MTNAP1: variants seen among roughly 807,000 people sequenced by gnomAD.
The protein encoded by MTNAP1 is mitochondrial nucleoid-associated protein 1.
chr17:73,237,907 A>T, the MTNAP1 span, among the ~76,000 whole-genome samples: 4 of 152,186 alleles, frequency 2.6e-5, no homozygotes, highest in African/African-American at 4.8e-5. Context: ...GAAACGGAGG[A>T]TGTGGCCAAA....
the MTNAP1 span, among the ~76,000 whole-genome samples, chr17:73,243,998 A>C: frequency 6.6e-6 from 1 of 152,232 alleles, no homozygotes; most frequent in Admixed American, 6.5e-5. Context: ...TACAGCTGTC[A>C]CTTACCAATG....
chr17:73,244,557 C>T, the MTNAP1 span: 2 of 40,452 alleles, frequency 4.9e-5, no homozygotes, highest in East Asian at 1.3e-3. Context: ...GAAACTGCAT[C>T]TCAAAAAAAA....
At chr17:73,236,852 G>A in the MTNAP1 span, 6 of 1,613,936 alleles carry the variant, frequency 3.7e-6, no homozygotes, top group East Asian at 6.7e-5. Context: ...AAGACTCTTC[G>A]CAGCTGCATG....
the MTNAP1 span, chr17:73,235,997 CTT>C: frequency 6.2e-7 from 1 of 1,614,168 alleles, no homozygotes; most frequent in Non-Finnish European, 8.5e-7. Flanking sequence ...GCTGGAGCGT[CTT>C]TACTGGTTGG....
chr17:73,234,429 C>T, the MTNAP1 span, among the ~76,000 whole-genome samples: 2 of 146,286 alleles, frequency 1.4e-5, no homozygotes, highest in East Asian at 2.0e-4. Flanking sequence ...TGGTGTCTCA[C>T]GCCTGTAATC....
At chr17:73,247,461 T>C in the MTNAP1 span, 2 of 962,464 alleles carry the variant, frequency 2.1e-6, no homozygotes. Flanking sequence ...GGATAGCTTT[T>C]CAGCCCTCAA....
the MTNAP1 span, among the ~76,000 whole-genome samples, chr17:73,237,306 C>T: frequency 2.0e-5 from 3 of 152,046 alleles, no homozygotes; most frequent in African/African-American, 4.8e-5. Flanking sequence ...GGTGTGGTGG[C>T]GCACCTGTAG....
At chr17:73,232,874 G>A in the MTNAP1 span, 2 of 152,574 alleles carry the variant, frequency 1.3e-5, no homozygotes, top group East Asian at 3.9e-4. Context: ...GAAATCCTCG[G>A]TGGGGCTGCG....
At chr17:73,245,174 A>T in the MTNAP1 span, 2 of 1,613,744 alleles carry the variant, frequency 1.2e-6, no homozygotes, top group Non-Finnish European at 1.7e-6. Flanking sequence ...AAAGAGCTGC[A>T]GCGGTGGCGT....
At chr17:73,238,881 AC>A in the MTNAP1 span, among the ~76,000 whole-genome samples, 11 of 152,072 alleles carry the variant, frequency 7.2e-5, no homozygotes, top group Non-Finnish European at 1.6e-4. Context: ...TAGAAAATAC[AC>A]CATAACTAAA....
At chr17:73,248,696 G>A in the MTNAP1 span, 23 of 739,018 alleles carry the variant, frequency 3.1e-5, no homozygotes, top group Middle Eastern at 6.5e-4. Flanking sequence ...GAATATTCAC[G>A]GACATGCCTG....
At chr17:73,236,701 C>A in the MTNAP1 span, 1 of 1,614,152 alleles carries the variant, frequency 6.2e-7, no homozygotes, top group Non-Finnish European at 8.5e-7. Context: ...AATGGAGAGT[C>A]CCGAGGGACA....
chr17:73,248,401 G>C, the MTNAP1 span: 5 of 1,140,514 alleles, frequency 4.4e-6, no homozygotes, highest in Admixed American at 1.0e-4. Context: ...TATAAGTTTT[G>C]TCTCTTAAAA....
chr17:73,238,523 C>G, the MTNAP1 span, among the ~76,000 whole-genome samples: 3 of 152,332 alleles, frequency 2.0e-5, no homozygotes, highest in African/African-American at 7.2e-5. Flanking sequence ...TAGCCCAAAG[C>G]TACATTTTCT....
chr17:73,242,226 T>G, the MTNAP1 span: 2 of 1,521,630 alleles, frequency 1.3e-6, no homozygotes, highest in Admixed American at 1.9e-5. Context: ...TGACAGTGAC[T>G]TCTGTTTGGA....
the MTNAP1 span, among the ~76,000 whole-genome samples, chr17:73,239,941 A>G: frequency 1.3e-5 from 2 of 152,262 alleles, no homozygotes; most frequent in African/African-American, 2.4e-5. Flanking sequence ...AGTTGAGTTT[A>G]AAGACCACAG....
At chr17:73,236,522 A>G in the MTNAP1 span, 1 of 1,613,518 alleles carries the variant, frequency 6.2e-7, no homozygotes, top group African/African-American at 1.3e-5. Flanking sequence ...AAGGAGTCTC[A>G]AGGGGAAAGA....
At chr17:73,236,735 A>T in the MTNAP1 span, 2 of 1,614,038 alleles carry the variant, frequency 1.2e-6, no homozygotes, top group East Asian at 2.2e-5. Flanking sequence ...CCCAAATCTG[A>T]TAGTCAGTTC....
At chr17:73,234,803 T>G in the MTNAP1 span, among the ~76,000 whole-genome samples, 1 of 63,064 alleles carries the variant, frequency 1.6e-5, no homozygotes, top group African/African-American at 4.3e-5. Flanking sequence ...ATATGCATAT[T>G]ACTAAATGTT....
Sources: allele counts gnomAD v4.1 joint callset (sites outside exome capture counted in the v4.1 genomes callset), GRCh38; gene constraint gnomAD v4.1.1; transcripts MANE v1.5; gene names NCBI Gene and HGNC (gene_info 2026-07-23, HGNC 2026-07-21).